Variants in SH3GL2 observed in about 807,000 individuals in gnomAD.
The protein encoded by SH3GL2 is SH3 domain containing GRB2 like 2, endophilin A1, also known as endophilin-A1.
In SH3GL2, 24 loss-of-function variants were observed where a neutral mutation model predicts 46.0. The ratio of observed to expected loss-of-function variants is 0.52; its 90% CI spans 0.38 to 0.73. The LOEUF (loss-of-function observed/expected upper bound fraction) is 0.73. SH3GL2 is among the 30% of genes least tolerant of loss of function. The pLI is 0.00. For synonymous variants in SH3GL2, 196 were observed against 147.1 expected (o/e 1.33, Z -2.40); for missense variants, 413 against 424.2 (o/e 0.97, Z 0.23).
chr9:17,742,821 G>A (rs563000450), intron 1 of SH3GL2, among the ~76,000 whole-genome samples: 1 of 152,304 alleles, frequency 6.6e-6, no homozygotes, highest in African/African-American at 2.4e-5. Flanking sequence ...GTTTTTAAAT[G>A]GTACAGGAGA....
intron 1 of SH3GL2, among the ~76,000 whole-genome samples, chr9:17,587,215 CAA>C (rs1194908180): frequency 6.6e-6 from 1 of 151,984 alleles, no homozygotes; most frequent in Non-Finnish European, 1.5e-5. Flanking sequence ...CAAAACAAAA[CAA>C]AACAAAAAGT....
chr9:17,790,922 T>G (rs1824108955), intron 6 of SH3GL2, among the ~76,000 whole-genome samples: 1 of 152,170 alleles, frequency 6.6e-6, no homozygotes, highest in African/African-American at 2.4e-5. Context: ...AGAAGTCAAA[T>G]CCCAGATACA....
rs975528572 is a variant in SH3GL2, at chr9:17,692,560, G to A, written c.46-54506G>A. Among the ~76,000 whole-genome samples the A allele has an allele frequency of 5.3e-5, 8 of 151,952 alleles. No homozygotes were observed. The East Asian group carries it at 1.6e-3, about 30-fold the overall frequency. On this transcript the variant is annotated intron_variant, in intron 1 of 8. Coordinates refer to ENST00000380607, the MANE Select transcript of SH3GL2 (RefSeq NM_003026.5). ...ACTGGGAGGCTGAGGCAGGAGAATA[G>A]CTTAAAGACAAGAGACGGAGGTTAC...
At position 17,789,500 on chromosome 9, in the gene SH3GL2, G is replaced by A. The variant is rs1216304266; in HGVS notation, c.574G>A (p.Glu192Lys). ...ELRQALEKFD[E>K]SKEIAESSMF... is the part of the protein sequence containing the mutation. The stretch of plus-strand genomic sequence containing the variant: ...TCGTCAAGCTCTAGAGAAATTTGAT[G>A]AGTCTAAGGAAATTGCTGAGTCAAG... Residue 192 changes from glutamate (E) to lysine (K), a missense_variant, in exon 6 of 9, where the codon GAG becomes AAG. By Grantham distance (56) the Glu-to-Lys change is moderately conservative. Around this residue, in one of 3 missense-constraint regions of SH3GL2, gnomAD observed 248 missense variants for 215.0 expected, o/e 1.15. Coordinates refer to ENST00000380607, the MANE Select transcript of SH3GL2 (RefSeq NM_003026.5). 2 of 1,613,302 alleles carry A rather than the reference G, an allele frequency of 1.2e-6. No homozygotes were observed. Among genetic ancestry groups the A allele is most frequent in the Non-Finnish European group, 1.7e-6 (2 of 1,179,516 alleles).
chr9:17,771,984 T>A (rs1823494326), intron 3 of SH3GL2, among the ~76,000 whole-genome samples: 1 of 152,218 alleles, frequency 6.6e-6, no homozygotes, highest in Admixed American at 6.5e-5. Flanking sequence ...TATATTTACC[T>A]AAGTTCTCAT....
intron 2 of SH3GL2, among the ~76,000 whole-genome samples, chr9:17,751,227 C>T (rs1778225309): frequency 6.6e-6 from 1 of 152,120 alleles, no homozygotes; most frequent in South Asian, 2.1e-4. Context: ...AGAAAGAATG[C>T]CATTTCATAT....
intron 1 of SH3GL2, among the ~76,000 whole-genome samples, chr9:17,623,039 T>TCCTTTCCTTTCCTTCCCTTC (rs1563786548): frequency 1.2e-5 from 1 of 84,224 alleles, no homozygotes; most frequent in Non-Finnish European, 2.3e-5. Flanking sequence ...TCCTTTCCTT[T>TCCTTTCCTTTCCTTCCCTTC]CCTTCCCCTT....
Position 17,674,474 on chromosome 9 carries a change from C to T in SH3GL2, c.46-72592C>T, listed in dbSNP as rs73420600. Among the ~76,000 whole-genome samples, 960 of 152,118 alleles carry T rather than the reference C, an allele frequency of 6.3e-3. 7 individuals carry two copies. The highest frequency in any genetic ancestry group is 0.021 in the African/African-American group (884 of 41,496). On this transcript the variant is annotated intron_variant, in intron 1 of 8. Transcript: ENST00000380607. ...TAGGGACAGGGTTTCACCATATCGC[C>T]CAGGCTGTGTCAAATTCCTGACCTC... is the stretch of plus-strand genomic sequence containing the variant.
chr9:17,762,353 T>C (rs1198102985), intron 3 of SH3GL2, among the ~76,000 whole-genome samples: 2 of 150,988 alleles, frequency 1.3e-5, no homozygotes, highest in African/African-American at 4.9e-5. Context: ...AGACAACTGC[T>C]TCAGCCCCAA....
At chr9:17,788,160 G>C (rs533071225) in intron 5 of SH3GL2, among the ~76,000 whole-genome samples, 1 of 152,120 alleles carries the variant, frequency 6.6e-6, no homozygotes, top group African/African-American at 2.4e-5. Context: ...GGTGTAAAAT[G>C]GATTGCCATA....
chr9:17,692,356 TTGGAGAAG>T (rs1465303279), intron 1 of SH3GL2, among the ~76,000 whole-genome samples: 2 of 151,944 alleles, frequency 1.3e-5, no homozygotes, highest in South Asian at 2.1e-4. Context: ...TAAATATTAC[TTGGAGAAG>T]CCAGGTGTGG....
chr9:17,581,268 A>G (rs1818272535), intron 1 of SH3GL2, among the ~76,000 whole-genome samples: 1 of 152,158 alleles, frequency 6.6e-6, no homozygotes, highest in African/African-American at 2.4e-5. Context: ...AAATAATTTA[A>G]ACTGCGTTAG....
chr9:17,662,790 A>G (rs1279363716), intron 1 of SH3GL2, among the ~76,000 whole-genome samples: 3 of 144,888 alleles, frequency 2.1e-5, no homozygotes, highest in African/African-American at 5.2e-5. Flanking sequence ...GCTCACTGCA[A>G]CCTCTGCCTG....
At chr9:17,703,945 G>A (rs1002149258) in intron 1 of SH3GL2, among the ~76,000 whole-genome samples, 33 of 152,132 alleles carry the variant, frequency 2.2e-4, no homozygotes, top group Non-Finnish European at 2.9e-5. Flanking sequence ...GTCCTAGCCA[G>A]AGCAGTCAGC....
chr9:17,727,775 TA>T (rs1822060651), intron 1 of SH3GL2, among the ~76,000 whole-genome samples: 1 of 152,144 alleles, frequency 6.6e-6, no homozygotes, highest in South Asian at 2.1e-4. Context: ...CCATTTTGCC[TA>T]ACTTGGTGAC....
intron 1 of SH3GL2, among the ~76,000 whole-genome samples, chr9:17,621,273 C>T (rs1563785595): frequency 6.6e-6 from 1 of 152,110 alleles, no homozygotes; most frequent in South Asian, 2.1e-4. Flanking sequence ...AGGATTATTT[C>T]TTTGGAGGTA....
intron 1 of SH3GL2, among the ~76,000 whole-genome samples, chr9:17,722,229 A>C (rs1347913407): frequency 2.6e-5 from 4 of 152,050 alleles, no homozygotes; most frequent in Non-Finnish European, 5.9e-5. Context: ...TTTGCCTGCC[A>C]AGAGAAGGTA....
intron 1 of SH3GL2, among the ~76,000 whole-genome samples, chr9:17,736,720 T>C (rs1041990378): frequency 5.9e-5 from 9 of 152,144 alleles, no homozygotes; most frequent in African/African-American, 2.2e-4. Context: ...TTGTCCCTGA[T>C]GTTGGCTTTC....
Position 17,734,188 on chromosome 9 carries a change from T to C in SH3GL2, c.46-12878T>C, listed in dbSNP as rs571939631. Among the ~76,000 whole-genome samples the C allele has an allele frequency of 6.6e-5, 10 of 152,252 alleles. No individual in the cohort carries two copies. The East Asian group carries it at 1.9e-3, about 29-fold the overall frequency. On this transcript the variant is annotated intron_variant, in intron 1 of 8. Transcript: ENST00000380607. The stretch of plus-strand genomic sequence containing the variant: ...TCTGGAATGATGCCATTTAGACTAA[T>C]TGCCCTCAACCCTTTAATTTACCTG...
Sources: gnomAD v4.1 joint callset for allele counts (sites outside exome capture counted in the v4.1 genomes callset) on GRCh38, gnomAD v4.1.1 for gene constraint, gnomAD v4.1.1 regional missense constraint, MANE v1.5 for transcripts, NCBI Gene and HGNC (gene_info 2026-07-23, HGNC 2026-07-21) for gene names.